Variants in BMPR1A observed in about 807,000 individuals in gnomAD.
BMPR1A encodes the protein bone morphogenetic protein receptor type-1A.
In BMPR1A, 7 loss-of-function variants were observed where a neutral mutation model predicts 66.0. That is an observed-to-expected ratio of 0.11 (90% CI 0.06 to 0.20). The LOEUF (loss-of-function observed/expected upper bound fraction) is 0.20, where lower values mean the gene tolerates loss of function less well. Ranked by LOEUF, BMPR1A falls within the 10% of genes least tolerant of loss-of-function variation. The pLI is 1.00. For synonymous variants in BMPR1A, 200 were observed against 229.7 expected (o/e 0.87, Z 1.17); for missense variants, 408 against 669.1 (o/e 0.61, Z 4.31).
At chr10:86,794,765 G>A (rs2132814414) in intron 1 of BMPR1A, among the ~76,000 whole-genome samples, 1 of 151,646 alleles carries the variant, frequency 6.6e-6, no homozygotes, top group East Asian at 1.9e-4. Flanking sequence ...TAAAAGTAAT[G>A]ACTTCTGTGA....
At position 86,836,185 on chromosome 10, in the gene BMPR1A, A is replaced by G. The variant is rs547871252; in HGVS notation, c.-267-2680A>G. The stretch of plus-strand genomic sequence containing the variant: ...GTTAAAAGCCTGTGGTAAATTACCC[A>G]GTAAGCTAAGTGATTAAAGTTGTTT... On this transcript the variant is annotated intron_variant, in intron 1 of 12. Transcript: ENST00000372037. Among the ~76,000 whole-genome samples the G allele has an allele frequency of 2.6e-5, 4 of 152,380 alleles. No individual in the cohort carries two copies. The South Asian group carries it at 8.3e-4, about 32-fold the overall frequency.
intron 1 of BMPR1A, among the ~76,000 whole-genome samples, chr10:86,795,299 T>G (rs1019269615): frequency 2.0e-5 from 3 of 152,192 alleles, no homozygotes; most frequent in Non-Finnish European, 4.4e-5. Context: ...ATTTAAAATC[T>G]TGGTTAGTAG....
chr10:86,842,278 C>G (rs1206497043), intron 2 of BMPR1A, among the ~76,000 whole-genome samples: 1 of 152,138 alleles, frequency 6.6e-6, no homozygotes, highest in Non-Finnish European at 1.5e-5. Context: ...AACCCTCACA[C>G]ATTTGGTAAG....
chr10:86,912,152 G>T, intron 7 of BMPR1A, 88 bp from the exon 8 acceptor site: 1 of 1,397,660 alleles, frequency 7.2e-7, no homozygotes, highest in Admixed American at 1.9e-5. Flanking sequence ...TCTGAGGGAA[G>T]GATAATGGTA....
At chr10:86,853,587 T>C (rs1842600971) in intron 2 of BMPR1A, among the ~76,000 whole-genome samples, 1 of 146,374 alleles carries the variant, frequency 6.8e-6, no homozygotes, top group South Asian at 2.1e-4. Context: ...TAGGTTCTTT[T>C]CTATTTTCCG....
chr10:86,851,918 A>G (rs896026985), intron 2 of BMPR1A, among the ~76,000 whole-genome samples: 9 of 152,176 alleles, frequency 5.9e-5, no homozygotes, highest in Non-Finnish European at 1.2e-4. Flanking sequence ...AGAGAATGGC[A>G]AGGTCATTTG....
chr10:86,763,591 C>T (rs1163666453), intron 1 of BMPR1A, among the ~76,000 whole-genome samples: 1 of 151,786 alleles, frequency 6.6e-6, no homozygotes. Context: ...GCTGAAGAAT[C>T]ACGCCAGCCT....
chr10:86,790,029 T>TC (rs1841577818), intron 1 of BMPR1A, among the ~76,000 whole-genome samples: 1 of 148,828 alleles, frequency 6.7e-6, no homozygotes, highest in Non-Finnish European at 1.5e-5. Flanking sequence ...GGTGGCAGGT[T>TC]CCTGTAGTCC....
chr10:86,871,416 A>G (rs1364493441), intron 2 of BMPR1A, among the ~76,000 whole-genome samples: 1 of 152,246 alleles, frequency 6.6e-6, no homozygotes, highest in Non-Finnish European at 1.5e-5. Flanking sequence ...AGAATCATGC[A>G]TAGCACAGAC....
rs1176355749 is a variant in BMPR1A at position 86,924,207 on chromosome 10, T to A, written c.*488T>A. 1.4e-5 allele frequency: 4 copies of A among 278,816 alleles called. No individual in the cohort carries two copies. Among genetic ancestry groups the A allele is most frequent in the Non-Finnish European group, 2.8e-5 (4 of 144,890 alleles). 17.3% of individuals were successfully genotyped at this position (278,816 alleles called of 1,614,324 possible). ...TGTGTTTGGGATACTGCTTATTTTA[T>A]GATAGTTTGTCCTGTGTCCTTAGTG... is the stretch of plus-strand genomic sequence containing the variant. On this transcript the variant is annotated 3_prime_UTR_variant, in exon 13 of 13. Transcript: ENST00000372037.
At chr10:86,770,282 C>T (rs886705115) in intron 1 of BMPR1A, among the ~76,000 whole-genome samples, 14 of 152,158 alleles carry the variant, frequency 9.2e-5, no homozygotes, top group Non-Finnish European at 1.6e-4. Flanking sequence ...CAGTGAGGCC[C>T]TGTGTCATAT....
At chr10:86,793,786 G>A (rs182700458) in intron 1 of BMPR1A, among the ~76,000 whole-genome samples, 32 of 152,268 alleles carry the variant, frequency 2.1e-4, no homozygotes, top group Middle Eastern at 6.8e-3. Context: ...TGGTTCTGCA[G>A]GTCAGAAGTC....
intron 1 of BMPR1A, among the ~76,000 whole-genome samples, chr10:86,820,899 A>G (rs1410638945): frequency 2.9e-5 from 4 of 137,220 alleles, no homozygotes; most frequent in Non-Finnish European, 6.9e-5. Flanking sequence ...TTTTTTAAAG[A>G]AGGTCATTTA....
intron 1 of BMPR1A, among the ~76,000 whole-genome samples, chr10:86,826,773 A>T (rs1842202047): frequency 6.6e-6 from 1 of 151,932 alleles, no homozygotes; most frequent in Non-Finnish European, 1.5e-5. Flanking sequence ...GTGTCTTTAA[A>T]TTTCAAAATA....
chr10:86,793,161 C>T (rs561392920), intron 1 of BMPR1A, among the ~76,000 whole-genome samples: 323 of 130,134 alleles, frequency 2.5e-3, no homozygotes, highest in Admixed American at 0.011. Context: ...AGAAAGTTAG[C>T]TGGATTTATG....
intron 1 of BMPR1A, among the ~76,000 whole-genome samples, chr10:86,801,007 A>G (rs1194578634): frequency 6.6e-6 from 1 of 152,278 alleles, no homozygotes; most frequent in African/African-American, 2.4e-5. Context: ...TTTGCATGAC[A>G]GTAATTGTAA....
chr10:86,870,601 T>C (rs1007529046), intron 2 of BMPR1A, among the ~76,000 whole-genome samples: 6 of 151,996 alleles, frequency 3.9e-5, no homozygotes, highest in African/African-American at 1.5e-4. Flanking sequence ...TTTTTTAAGT[T>C]TTTTGTACAG....
intron 1 of BMPR1A, among the ~76,000 whole-genome samples, chr10:86,801,478 CTGTT>C (rs1233060436): frequency 1.3e-5 from 2 of 152,152 alleles, no homozygotes; most frequent in Admixed American, 6.5e-5. Flanking sequence ...CTAGTTAGCT[CTGTT>C]TGTGTATGGT....
At chr10:86,760,181 TTTA>T (rs1426105900) in intron 1 of BMPR1A, among the ~76,000 whole-genome samples, 1 of 138,022 alleles carries the variant, frequency 7.2e-6, no homozygotes, top group Non-Finnish European at 1.6e-5. Flanking sequence ...TTGCCTCAGA[TTTA>T]CCTGTTTTTT....
Sources: gnomAD v4.1 joint callset for allele counts (sites outside exome capture counted in the v4.1 genomes callset) on GRCh38, gnomAD v4.1.1 for gene constraint, MANE v1.5 for transcripts, NCBI Gene and HGNC (gene_info 2026-07-23, HGNC 2026-07-21) for gene names.